Variants in SLC4A9 observed in about 807,000 individuals in gnomAD.
The protein encoded by SLC4A9 is anion exchange protein 4.
SLC4A9 carries 102 observed loss-of-function variants against 103.2 expected under a neutral mutation model. The ratio of observed to expected loss-of-function variants is 0.99; its 90% CI spans 0.84 to 1.17. The LOEUF is 1.17. Ranked by LOEUF, SLC4A9 falls within the 50% of genes most tolerant of loss-of-function variation. The pLI is 0.00. For missense variants in SLC4A9, 1,091 were observed against 1,193.7 expected (o/e 0.91, Z 1.27); for synonymous variants, 453 against 483.6 (o/e 0.94, Z 0.83).
At position 140,364,535 on chromosome 5, in the gene SLC4A9, G is replaced by A; in HGVS notation, c.1561G>A (p.Gly521Ser). The A allele has an allele frequency of 6.2e-7, 1 of 1,609,050 alleles. No individual in the cohort carries two copies. Among genetic ancestry groups the A allele is most frequent in the Non-Finnish European group, 8.5e-7 (1 of 1,177,530 alleles). Reference sequence around the variant, plus strand: ...CCTCATCTTCATCTACGATGCTGTGGGCAAAATGCTGAACTTGACCCATAC... The same window carrying A: ...CCTCATCTTCATCTACGATGCTGTGAGCAAAATGCTGAACTTGACCCATAC... ...ISLIFIYDAVGKMLNLTHTYP... is the reference protein window; with the variant it reads ...ISLIFIYDAVSKMLNLTHTYP... Residue 521 changes from glycine to serine, a missense_variant, in exon 11 of 22, where the codon GGC becomes AGC. Transcript: ENST00000506757.
In SLC4A9 at chr5:140,367,742, A is replaced by G; in HGVS notation, c.2198A>G (p.Asp733Gly). The G allele has an allele frequency of 6.2e-7, 1 of 1,613,564 alleles. No individual in the cohort carries two copies. Among genetic ancestry groups the G allele is most frequent in the Non-Finnish European group, 8.5e-7 (1 of 1,179,808 alleles). ...CAGAAGGGAGCTGGCTTCCACCTGG[A>G]CCTCTTCTGTGTGGCTGTGCTGATG... ...RLQKGAGFHLDLFCVAVLMLL... is the reference protein window; with the variant it reads ...RLQKGAGFHLGLFCVAVLMLL... Residue 733 changes from aspartate to glycine, a missense_variant, in exon 16 of 22, where the codon GAC becomes GGC. Transcript: ENST00000506757.
At chr5:140,366,051 A>C (rs1352665268) in intron 13 of SLC4A9, 29 bp downstream of exon 13, 4 of 1,612,862 alleles carry the variant, frequency 2.5e-6, no homozygotes, top group Non-Finnish European at 3.4e-6. Context: ...TCTGTGGGAG[A>C]GGCCTGACTC....
Position 140,368,482 on chromosome 5 carries a change from T to G in SLC4A9, c.2355-105T>G, listed in dbSNP as rs989951526. The stretch of plus-strand genomic sequence containing the variant: ...GTGACCTACTGGGGTATTCCTCTAG[T>G]TTTCTCTTGCTGCCGGGGTCTGTAC... On this transcript the variant is annotated intron_variant, in intron 16 of 21. Transcript: ENST00000506757. 93 of 913,520 alleles carry G rather than the reference T, an allele frequency of 1.0e-4. No homozygotes were observed. In the African/African-American group the frequency reaches 1.5e-3, roughly 14 times the overall value. The allele number at this position is 913,520 out of a possible 1,614,324, so 56.6% of individuals were successfully genotyped here. A position where few individuals can be genotyped will look rare whatever the true frequency, so the allele number is the denominator to read the frequency against.
intron 17 of SLC4A9, 71 bp from the exon 18 acceptor site, chr5:140,371,024 T>C: frequency 7.0e-7 from 1 of 1,426,302 alleles, no homozygotes; most frequent in South Asian, 1.2e-5. Flanking sequence ...ATCTAGGGCA[T>C]CTGGGCATCC....
At position 140,360,229 on chromosome 5, in the gene SLC4A9, C is replaced by T. The variant is rs754692108; in HGVS notation, c.-8C>T. 6.2e-7 allele frequency: 1 copy of T among 1,606,764 alleles called. No individual in the cohort carries two copies. The highest frequency in any genetic ancestry group is 8.5e-7 in the Non-Finnish European group (1 of 1,176,138). On this transcript the variant is annotated 5_prime_UTR_variant, in exon 1 of 22. Transcript: ENST00000506757. ...ACTGTACTGGTTCTGAGATTCTGTG[C>T]AAGCCTCATGGAAATGAAGCTGCCA...
At position 140,363,173 on chromosome 5, in the gene SLC4A9, T is replaced by TC; in HGVS notation, c.962+107_962+108insC. ...CCCAGGAAAGAGATAGGGACCTATC[T>TC]TTGGATTTGGAGTCAGGCAGACCTA... On this transcript the variant is annotated intron_variant, in intron 7 of 21. Coordinates refer to ENST00000506757, the MANE Select transcript of SLC4A9 (RefSeq NM_031467.3). The surrounding 1 kb of genome is among the most constrained non-coding windows in gnomAD (Gnocchi z 4.5). The TC allele has an allele frequency of 1.4e-6, 2 of 1,418,010 alleles. No homozygotes were observed. The highest frequency in any genetic ancestry group is 9.5e-7 in the Non-Finnish European group (1 of 1,048,306). The allele number at this position is 1,418,010 out of a possible 1,614,324, so 87.8% of individuals were successfully genotyped here.
At chr5:140,367,385 C>A in intron 14 of SLC4A9, 35 bp from the exon 15 acceptor site, 1 of 1,599,874 alleles carries the variant, frequency 6.3e-7, no homozygotes, top group South Asian at 1.1e-5. Flanking sequence ...CTTGGGAGAC[C>A]CACTCCAACC....
chr5:140,364,192 G>C lies in SLC4A9; in HGVS notation c.1388+5G>C. 2.6e-6 allele frequency: 4 copies of C among 1,564,626 alleles called. No homozygotes were observed. Among genetic ancestry groups the C allele is most frequent in the Non-Finnish European group, 3.5e-6 (4 of 1,154,738 alleles). The stretch of plus-strand genomic sequence containing the variant: ...CCTGCTCTTCTCTTTCAGCAGGTAG[G>C]AGAGCTCCCCCCATCACCGGACCCT... On this transcript the variant is annotated splice_donor_5th_base_variant and intron_variant, in intron 10 of 21. Transcript: ENST00000506757.
rs199786527 is a variant in SLC4A9 at position 140,367,479 on chromosome 5, G to A, written c.2073G>A (p.Trp691Ter). Reference sequence around the variant, plus strand: ...CTTTTGGAGCCAACCCCTGGTGGTGGAGTGTGGCAGCTGCCCTGCCTGCCC... The same window carrying A: ...CTTTTGGAGCCAACCCCTGGTGGTGAAGTGTGGCAGCTGCCCTGCCTGCCC... ...VSPFGANPWWWSVAAALPALL... is the reference protein window; with the variant it reads ...VSPFGANPWW The change falls in exon 15 of 22, where the codon TGG becomes TGA. Residue 691 changes from tryptophan (W) to a stop codon, truncating the protein, a stop_gained. Coordinates refer to ENST00000506757, the MANE Select transcript of SLC4A9 (RefSeq NM_031467.3). LOFTEE classifies it high-confidence loss of function. 5.2e-4 allele frequency: 835 copies of A among 1,607,520 alleles called. 3 individuals are homozygous for A. The highest frequency in any genetic ancestry group is 1.5e-3 in the Middle Eastern group (9 of 6,072).
Position 140,363,682 on chromosome 5 carries a change from G to A in SLC4A9, c.1080-46G>A, listed in dbSNP as rs756689650. ...CACAGGGAAAGTAGCGGGGATGCGG[G>A]TGTGGAGTGTGAAAACCTGGATCAC... On this transcript the variant is annotated intron_variant, in intron 8 of 21. Coordinates refer to ENST00000506757, the MANE Select transcript of SLC4A9 (RefSeq NM_031467.3). The surrounding 1 kb of genome is among the most constrained non-coding windows in gnomAD (Gnocchi z 4.5). 1 of 1,607,506 alleles carries A rather than the reference G, an allele frequency of 6.2e-7. No individual in the cohort carries two copies. The highest frequency in any genetic ancestry group is 8.5e-7 in the Non-Finnish European group (1 of 1,176,616).
rs1768032574 is a variant in SLC4A9, at chr5:140,367,383, A to T, written c.2014-37A>T. 1.9e-6 allele frequency: 3 copies of T among 1,598,752 alleles called. No homozygotes were observed. The East Asian group carries it at 6.7e-5, about 36-fold the overall frequency. Reference sequence around the variant, plus strand: ...TGTGCAGGTGAGATGCTCTTGGGAGACCCACTCCAACCTGTCCATGAAATG... The same window carrying T: ...TGTGCAGGTGAGATGCTCTTGGGAGTCCCACTCCAACCTGTCCATGAAATG... On this transcript the variant is annotated intron_variant, in intron 14 of 21. Transcript: ENST00000506757.
chr5:140,363,170 A>G lies in SLC4A9; in HGVS notation c.962+104A>G. On this transcript the variant is annotated intron_variant, in intron 7 of 21. Transcript: ENST00000506757. The surrounding 1 kb of genome is among the most constrained non-coding windows in gnomAD (Gnocchi z 4.5). ...TGTCCCAGGAAAGAGATAGGGACCTATCTTTGGATTTGGAGTCAGGCAGAC... is the reference window on the plus strand; with the variant it reads ...TGTCCCAGGAAAGAGATAGGGACCTGTCTTTGGATTTGGAGTCAGGCAGAC... 6.9e-7 allele frequency: 1 copy of G among 1,440,902 alleles called. No individual in the cohort carries two copies. Among genetic ancestry groups the G allele is most frequent in the South Asian group, 1.3e-5 (1 of 77,262 alleles). The allele number at this position is 1,440,902 out of a possible 1,614,324, so 89.3% of individuals were successfully genotyped here.
intron 1 of SLC4A9, 134 bp from the exon 2 acceptor site, chr5:140,360,678 G>C (rs1766928030): frequency 2.1e-6 from 3 of 1,426,160 alleles, no homozygotes; most frequent in South Asian, 1.3e-5. Flanking sequence ...GTGACTGCCA[G>C]GGTGGGGGGG....
In SLC4A9 at chr5:140,364,155, G is replaced by T. The variant is rs1561587404; in HGVS notation, c.1356G>T (p.Leu452=). 2 of 1,582,506 alleles carry T rather than the reference G, an allele frequency of 1.3e-6. No homozygotes were observed. Among genetic ancestry groups the T allele is most frequent in the Non-Finnish European group, 1.7e-6 (2 of 1,163,794 alleles). ...TTCTGAGCAGCACGGGGCCAGTGCT[G>T]GTCTTTGAGCGCCTGCTCTTCTCTT... is the stretch of plus-strand genomic sequence containing the variant. ...LTILSSTGPV[L]VFERLLFSFS... Residue 452 remains leucine (L), a synonymous_variant, in exon 10 of 22, where the codon CTG becomes CTT. Coordinates refer to ENST00000506757, the MANE Select transcript of SLC4A9 (RefSeq NM_031467.3).
In SLC4A9 at chr5:140,366,157, A is replaced by T. The variant is rs1388611347; in HGVS notation, c.1906A>T (p.Lys636Ter). 6.2e-7 allele frequency: 1 copy of T among 1,613,478 alleles called. No homozygotes were observed. The highest frequency in any genetic ancestry group is 1.1e-5 in the South Asian group (1 of 91,036). ...TSRFFPSVVR[K>*]GLSDFSSVLA... The stretch of plus-strand genomic sequence containing the variant: ...AGTGTCCACTGTGTGCCAGGTGCGC[A>T]AAGGGCTCAGCGACTTCTCCTCAGT... The change falls in exon 14 of 22, where the codon AAA (lysine) becomes TAA (stop). Residue 636 changes from lysine (K) to a stop codon, truncating the protein, a stop_gained. Coordinates refer to ENST00000506757, the MANE Select transcript of SLC4A9 (RefSeq NM_031467.3). LOFTEE classifies it high-confidence loss of function.
chr5:140,366,273 C>T lies in SLC4A9; in HGVS notation c.2013+9C>T. 6.4e-7 allele frequency: 1 copy of T among 1,571,364 alleles called. No homozygotes were observed. The highest frequency in any genetic ancestry group is 8.6e-7 in the Non-Finnish European group (1 of 1,156,286). On this transcript the variant is annotated intron_variant, in intron 14 of 21. Transcript: ENST00000506757. ...TACCCAGAGAGTTCAAGGTGAGAGC[C>T]AGGGAAGAGGGTTGGGGGACCAGAG... is the stretch of plus-strand genomic sequence containing the variant.
intron 20 of SLC4A9, 134 bp downstream of exon 20, chr5:140,372,531 A>G: frequency 6.7e-7 from 1 of 1,486,004 alleles, no homozygotes; most frequent in South Asian, 1.4e-5. Context: ...TTATCTGTGT[A>G]TGGACATAGG....
In SLC4A9 at chr5:140,371,518, A is replaced by T; in HGVS notation, c.2564A>T (p.His855Leu). The T allele has an allele frequency of 6.2e-7, 1 of 1,614,028 alleles. No individual in the cohort carries two copies. The highest frequency in any genetic ancestry group is 8.5e-7 in the Non-Finnish European group (1 of 1,179,884). The change falls in exon 19 of 22, where the codon CAT becomes CTT. Residue 855 changes from histidine to leucine, a missense_variant. Physicochemically the swap from His to Leu is moderately conservative, Grantham distance 99. Coordinates refer to ENST00000506757, the MANE Select transcript of SLC4A9 (RefSeq NM_031467.3). ...CAGCCAGACCTGCTACTCTTGCGGC[A>T]TGTGCCTCTGACCAGGGTCCACCTC... ...KHQPDLLLLR[H>L]VPLTRVHLFT...
chr5:140,362,788 A>G, intron 6 of SLC4A9, 124 bp from the exon 7 acceptor site: 1 of 1,267,944 alleles, frequency 7.9e-7, no homozygotes, highest in Non-Finnish European at 1.2e-6. Context: ...TAATGCATGC[A>G]TAAAGGAATG....
Sources: allele counts gnomAD v4.1 joint callset, GRCh38; gene constraint gnomAD v4.1.1; non-coding constraint Gnocchi (gnomAD v3.1); transcripts MANE v1.5; gene names NCBI Gene and HGNC (gene_info 2026-07-23, HGNC 2026-07-21).